TRIM37: variants seen among roughly 807,000 people sequenced by gnomAD.
TRIM37 encodes the protein tripartite motif containing 37.
TRIM37 carries 80 observed loss-of-function variants against 129.8 expected under a neutral mutation model. The ratio of observed to expected loss-of-function variants is 0.62; its 90% CI spans 0.51 to 0.74. TRIM37 has a LOEUF of 0.74. TRIM37 is among the 30% of genes least tolerant of loss of function. TRIM37 has a pLI of 0.00. For synonymous variants in TRIM37, 389 were observed against 387.1 expected, an observed-to-expected ratio of 1.00 and a Z score of -0.06; for missense variants, 1,054 against 1,176.5, an observed-to-expected ratio of 0.90 and a Z score of 1.52.
chr17:59,089,176 C>G (rs1329329802), intron 3 of TRIM37, among the ~76,000 whole-genome samples: 1 of 152,110 alleles, frequency 6.6e-6, no homozygotes, highest in Non-Finnish European at 1.5e-5. Flanking sequence ...ACCACATGAG[C>G]CAGGGAGATT....
At chr17:59,065,197 C>T (rs1206482433) in intron 9 of TRIM37, among the ~76,000 whole-genome samples, 1 of 152,088 alleles carries the variant, frequency 6.6e-6, no homozygotes, top group Non-Finnish European at 1.5e-5. Context: ...GAAACTGACG[C>T]TTAGGGTGTG....
chr17:59,021,412 TGTG>T (rs1567996713), intron 19 of TRIM37, among the ~76,000 whole-genome samples: 1 of 151,186 alleles, frequency 6.6e-6, no homozygotes, highest in Non-Finnish European at 1.5e-5. Flanking sequence ...AAAAAAAAAA[TGTG>T]GTACATATAC....
intron 22 of TRIM37, among the ~76,000 whole-genome samples, chr17:59,012,059 A>G (rs2035324467): frequency 1.3e-5 from 2 of 152,160 alleles, no homozygotes; most frequent in Admixed American, 6.6e-5. Context: ...GTCCTTTTAT[A>G]TAGTAACTTA....
chr17:59,028,494 A>G lies in TRIM37; in HGVS notation c.2178T>C (p.Thr726=). 3 of 1,614,222 alleles carry G rather than the reference A, an allele frequency of 1.9e-6. No homozygotes were observed. The highest frequency in any genetic ancestry group is 2.5e-6 in the Non-Finnish European group (3 of 1,180,046). The change falls in exon 19 of 24, where the codon ACT becomes ACC. Residue 726 remains threonine, a synonymous_variant. Transcript: ENST00000262294. The part of the protein sequence containing the change: ...ADQAALAACG[T]ENSGRLQDLG... Reference sequence around the variant, plus strand: ...AATCCTGCAATCTGCCAGAGTTTTCAGTTCCACATGCAGCCAGAGCTGCCT... The same window carrying G: ...AATCCTGCAATCTGCCAGAGTTTTCGGTTCCACATGCAGCCAGAGCTGCCT...
In TRIM37 at chr17:58,999,218, C is replaced by A; in HGVS notation, c.*159G>T. ...TGTACTACTGCTGTCTTAGACTAAA[C>A]TGTGCCACCTTCCAACAGTTTCCAA... On this transcript the variant is annotated 3_prime_UTR_variant, in exon 24 of 24. Coordinates refer to ENST00000262294, the MANE Select transcript of TRIM37 (RefSeq NM_015294.6). The A allele has an allele frequency of 6.5e-7, 1 of 1,529,624 alleles. No homozygotes were observed. Among genetic ancestry groups the A allele is most frequent in the Non-Finnish European group, 8.8e-7 (1 of 1,140,816 alleles). 94.8% of individuals were successfully genotyped at this position (1,529,624 alleles called of 1,614,324 possible).
exon 25 of TRIM37, chr17:58,982,847 A>G (rs966991538): frequency 6.8e-7 from 1 of 1,476,354 alleles, no homozygotes; most frequent in Non-Finnish European, 9.3e-7. Context: ...CATGGTCCTC[A>G]CTCATATCTG....
intron 2 of TRIM37, among the ~76,000 whole-genome samples, chr17:59,092,249 C>G (rs1381866836): frequency 6.6e-6 from 1 of 151,652 alleles, no homozygotes; most frequent in Non-Finnish European, 1.5e-5. Flanking sequence ...AAAAATTAGC[C>G]AGGCATGGTG....
Position 59,017,375 on chromosome 17 carries a change from T to C in TRIM37, c.2307A>G (p.Ala769=), listed in dbSNP as rs2036078933. ...CTGCTCTTCGAAGTGATAGACTACCTGCTACACTGGATCGAGCTGGCTTGG... is the reference window on the plus strand; with the variant it reads ...CTGCTCTTCGAAGTGATAGACTACCCGCTACACTGGATCGAGCTGGCTTGG... ...NSPKPARSSV[A]GSLSLRRAVD... Residue 769 remains alanine, a synonymous_variant, in exon 20 of 24, where the codon GCA becomes GCG. Coordinates refer to ENST00000262294, the MANE Select transcript of TRIM37 (RefSeq NM_015294.6). The C allele has an allele frequency of 1.2e-6, 2 of 1,614,040 alleles. No individual in the cohort carries two copies. The highest frequency in any genetic ancestry group is 2.7e-5 in the African/African-American group (2 of 74,914).
rs772407161 is a variant in TRIM37 at position 59,028,421 on chromosome 17, GT to G, written c.2250del (p.Arg751GlufsTer18). 1.2e-6 allele frequency: 2 copies of G among 1,611,762 alleles called. No homozygotes were observed. Among genetic ancestry groups the G allele is most frequent in the South Asian group, 2.2e-5 (2 of 91,078 alleles). On this transcript the variant is annotated frameshift_variant, in exon 19 of 24. Transcript: ENST00000262294. LOFTEE classifies it high-confidence loss of function. ...CTGGGAACATATTACTTACAGTTTC[GT>G]ATGTAACAATTGGCAACTGATGACT... Reference protein sequence around the residue: ...LAKSSVANCYIRNSTNKKSNS... With the variant: ...LAKSSVANCYXRNSTNKKSNS...
intron 2 of TRIM37, among the ~76,000 whole-genome samples, chr17:59,099,123 T>C (rs1176058903): frequency 6.6e-6 from 1 of 151,848 alleles, no homozygotes; most frequent in Admixed American, 6.6e-5. Context: ...GTGGAGGGTG[T>C]GGTGAGCCGA....
At chr17:59,032,167 C>T (rs1287772569) in intron 17 of TRIM37, 77 bp from the exon 18 acceptor site, 2 of 1,395,940 alleles carry the variant, frequency 1.4e-6, no homozygotes, top group Non-Finnish European at 2.0e-6. Flanking sequence ...AACTGGTTAA[C>T]ATTATATGAA....
intron 18 of TRIM37, 152 bp from the exon 19 acceptor site, chr17:59,028,875 AATAAAG>A (rs754799991): frequency 3.5e-5 from 27 of 761,496 alleles, no homozygotes; most frequent in East Asian, 1.9e-4. Context: ...CATTAATGAA[AATAAAG>A]ATAAAGAATC....
At chr17:59,073,559 A>C (rs974421056) in intron 8 of TRIM37, among the ~76,000 whole-genome samples, 2 of 152,206 alleles carry the variant, frequency 1.3e-5, no homozygotes, top group Non-Finnish European at 2.9e-5. Context: ...GAAAGTACTG[A>C]GATCACAGGC....
intron 3 of TRIM37, among the ~76,000 whole-genome samples, chr17:59,088,939 G>C (rs1411762207): frequency 1.3e-5 from 2 of 152,164 alleles, no homozygotes; most frequent in African/African-American, 4.8e-5. Flanking sequence ...ATATGATTCA[G>C]AATATGGACT....
At chr17:59,061,920 G>A (rs2041527408) in intron 11 of TRIM37, among the ~76,000 whole-genome samples, 1 of 151,880 alleles carries the variant, frequency 6.6e-6, no homozygotes, top group African/African-American at 2.4e-5. Flanking sequence ...GGTTCGACAT[G>A]ATAATCACTC....
intron 24 of TRIM37, among the ~76,000 whole-genome samples, chr17:58,991,175 C>CAA (rs71145510): frequency 9.0e-4 from 75 of 83,628 alleles, no homozygotes; most frequent in Admixed American, 1.4e-3. Context: ...AACTCTGTCT[C>CAA]AAAAAAAAAA....
chr17:58,981,026 G>A (rs1346734251), downstream of TRIM37: 2 of 1,580,354 alleles, frequency 1.3e-6, no homozygotes, highest in Non-Finnish European at 1.7e-6. Flanking sequence ...CTATAAAATA[G>A]AATAATTTTT....
chr17:59,042,723 A>G (rs1451910869), intron 16 of TRIM37, among the ~76,000 whole-genome samples: 1 of 151,702 alleles, frequency 6.6e-6, no homozygotes, highest in Non-Finnish European at 1.5e-5. Flanking sequence ...AGATTGCACT[A>G]CTGCACTTCA....
chr17:58,997,894 T>G (rs2033163445), downstream of TRIM37, among the ~76,000 whole-genome samples: 1 of 152,122 alleles, frequency 6.6e-6, no homozygotes, highest in Admixed American at 6.6e-5. Flanking sequence ...AACAGCGGTG[T>G]TCCCGACATC....
Sources: allele counts gnomAD v4.1 joint callset (sites outside exome capture counted in the v4.1 genomes callset), GRCh38; gene constraint gnomAD v4.1.1; transcripts MANE v1.5; gene names NCBI Gene and HGNC (gene_info 2026-07-23, HGNC 2026-07-21).